RALGAPB: variants seen among roughly 807,000 people sequenced by gnomAD.
The protein encoded by RALGAPB is Ral GTPase activating protein non-catalytic subunit beta, also known as ral GTPase-activating protein subunit beta.
In RALGAPB, 25 loss-of-function variants were observed where a neutral mutation model predicts 161.1. That is an observed-to-expected ratio of 0.16 (90% CI 0.11 to 0.22). RALGAPB has a LOEUF of 0.22. Ranked by LOEUF, RALGAPB falls within the 10% of genes least tolerant of loss-of-function variation. The pLI is 1.00. For synonymous variants in RALGAPB, 629 were observed against 626.1 expected (o/e 1.00, Z -0.07); for missense variants, 1,391 against 1,815.2 (o/e 0.77, Z 4.25).
chr20:38,499,692 G>A, intron 5 of RALGAPB, 59 bp downstream of exon 5: 5 of 1,482,314 alleles, frequency 3.4e-6, no homozygotes, highest in African/African-American at 1.4e-5. Flanking sequence ...CAGCTTTCTG[G>A]CATTCATGGA....
At chr20:38,543,299 AT>A (rs1316287735) in intron 18 of RALGAPB, among the ~76,000 whole-genome samples, 1 of 152,042 alleles carries the variant, frequency 6.6e-6, no homozygotes, top group Non-Finnish European at 1.5e-5. Flanking sequence ...TGTTTCTCTG[AT>A]TTATCTTTCT....
chr20:38,473,987 G>C (rs759264612), intron 1 of RALGAPB, among the ~76,000 whole-genome samples: 1 of 152,190 alleles, frequency 6.6e-6, no homozygotes, highest in Non-Finnish European at 1.5e-5. Context: ...TAAACTTGCA[G>C]GTTCCACCCG....
intron 22 of RALGAPB, among the ~76,000 whole-genome samples, chr20:38,555,016 C>T (rs774380835): frequency 6.6e-5 from 10 of 152,010 alleles, no homozygotes; most frequent in Non-Finnish European, 1.5e-4. Context: ...CCTGAGAGTT[C>T]GAGGTTACAG....
chr20:38,473,004 C>T lies in RALGAPB; in HGVS notation c.-96C>T, dbSNP rs1029829064. ...GCCCTATGGCGCGGGTCGCGTGAGG[C>T]GGAAGGCCGAGGACGGCCGGCGGCG... On this transcript the variant is annotated 5_prime_UTR_variant, in exon 1 of 30. Transcript: ENST00000262879. 3.8e-5 allele frequency: 15 copies of T among 396,796 alleles called. No individual in the cohort carries two copies. The highest frequency in any genetic ancestry group is 6.2e-5 in the Non-Finnish European group (14 of 224,774). 24.6% of individuals were successfully genotyped at this position (396,796 alleles called of 1,614,324 possible).
At chr20:38,507,687 T>TTTTCTG (rs2085804564) in intron 5 of RALGAPB, among the ~76,000 whole-genome samples, 1 of 151,732 alleles carries the variant, frequency 6.6e-6, no homozygotes, top group Admixed American at 6.6e-5. Context: ...CCAGCGTTGT[T>TTTTCTG]TTTTTGTTTT....
chr20:38,517,294 A>G (rs539420017), intron 7 of RALGAPB, among the ~76,000 whole-genome samples: 1 of 152,146 alleles, frequency 6.6e-6, no homozygotes, highest in Non-Finnish European at 1.5e-5. Context: ...GAGTTTGAAA[A>G]TTGAGTCATT....
chr20:38,507,741 A>G (rs2085807171), intron 5 of RALGAPB, among the ~76,000 whole-genome samples: 1 of 151,742 alleles, frequency 6.6e-6, no homozygotes, highest in Non-Finnish European at 1.5e-5. Flanking sequence ...TCTGTTGCCC[A>G]GGGTGGAGTG....
chr20:38,536,858 C>T (rs1244720615), intron 16 of RALGAPB, among the ~76,000 whole-genome samples: 1 of 152,188 alleles, frequency 6.6e-6, no homozygotes, highest in Non-Finnish European at 1.5e-5. Flanking sequence ...CTTACCACCA[C>T]TTAGAGCTTA....
intron 14 of RALGAPB, 49 bp downstream of exon 14, chr20:38,531,280 A>G (rs2086643885): frequency 1.4e-6 from 2 of 1,431,708 alleles, no homozygotes; most frequent in East Asian, 2.3e-5. Flanking sequence ...TTTGAATTTC[A>G]TGTAAATTAT....
chr20:38,573,906 C>T, intron 28 of RALGAPB: 1 of 295,336 alleles, frequency 3.4e-6, no homozygotes, highest in Non-Finnish European at 6.2e-6. Flanking sequence ...TTTTCAGCTC[C>T]TTTCTGTTAG....
chr20:38,495,176 A>G (rs2085388781), intron 3 of RALGAPB, among the ~76,000 whole-genome samples: 1 of 152,216 alleles, frequency 6.6e-6, no homozygotes, highest in South Asian at 2.1e-4. Context: ...ACTGTCATCT[A>G]AGTTTACTTA....
At chr20:38,532,169 C>G (rs1464476395) in intron 14 of RALGAPB, among the ~76,000 whole-genome samples, 1 of 152,202 alleles carries the variant, frequency 6.6e-6, no homozygotes, top group Non-Finnish European at 1.5e-5. Context: ...CATTCTTCTG[C>G]CTCAGCCTCC....
At chr20:38,544,475 A>G (rs1352330699) in intron 18 of RALGAPB, among the ~76,000 whole-genome samples, 1 of 151,386 alleles carries the variant, frequency 6.6e-6, no homozygotes, top group Non-Finnish European at 1.5e-5. Flanking sequence ...ATTATTTTGT[A>G]TTTTTTTCTT....
At chr20:38,555,549 C>G (rs73905643) in intron 22 of RALGAPB, among the ~76,000 whole-genome samples, 4,145 of 152,110 alleles carry the variant, frequency 0.027, 193 homozygotes, top group African/African-American at 0.094. Context: ...AGTGATATTC[C>G]TAGTGGAGAA....
At chr20:38,537,887 A>T (rs2086855140) in intron 16 of RALGAPB, 1 of 152,228 alleles carries the variant, frequency 6.6e-6, no homozygotes, top group South Asian at 2.1e-4. Flanking sequence ...GCCAACCAGG[A>T]TAGAAATCAC....
intron 1 of RALGAPB, among the ~76,000 whole-genome samples, chr20:38,473,448 T>A (rs1196238087): frequency 6.6e-6 from 1 of 152,158 alleles, no homozygotes; most frequent in Non-Finnish European, 1.5e-5. Context: ...TGCTGCCCAT[T>A]GCACAGTGAC....
chr20:38,514,071 A>G (rs2086054797), intron 6 of RALGAPB, among the ~76,000 whole-genome samples: 1 of 152,202 alleles, frequency 6.6e-6, no homozygotes, highest in Admixed American at 6.5e-5. Context: ...TTGGATGGCA[A>G]AAAGAGGAGC....
intron 6 of RALGAPB, among the ~76,000 whole-genome samples, chr20:38,510,909 CAA>C (rs770635898): frequency 5.3e-4 from 28 of 52,802 alleles, no homozygotes; most frequent in Non-Finnish European, 4.0e-4. Flanking sequence ...GACTCCGTCT[CAA>C]AAAAAAAAAA....
intron 6 of RALGAPB, among the ~76,000 whole-genome samples, chr20:38,509,917 C>A (rs972485012): frequency 7.9e-5 from 12 of 151,750 alleles, no homozygotes; most frequent in Non-Finnish European, 1.0e-4. Context: ...CTTTTTTTAT[C>A]ATTTCTTCCC....
Sources: allele counts gnomAD v4.1 joint callset (sites outside exome capture counted in the v4.1 genomes callset), GRCh38; gene constraint gnomAD v4.1.1; transcripts MANE v1.5; gene names NCBI Gene and HGNC (gene_info 2026-07-23, HGNC 2026-07-21).